The following RYR2 variants were observed in gnomAD, a reference collection of about 807,000 sequenced individuals.
The protein encoded by RYR2 is ryanodine receptor 2, also known as cardiac muscle ryanodine receptor-calcium release channel.
A neutral mutation model predicts 601.1 loss-of-function variants in RYR2; 227 were observed. The ratio of observed to expected loss-of-function variants is 0.38; its 90% CI spans 0.34 to 0.42. The LOEUF (loss-of-function observed/expected upper bound fraction) is 0.42, where lower values mean the gene tolerates loss of function less well. Ranked by LOEUF, RYR2 falls within the 10% of genes least tolerant of loss-of-function variation. RYR2 has a pLI of 1.00. For missense variants in RYR2, 4,646 were observed against 6,156.5 expected (o/e 0.75, Z 8.21); for synonymous variants, 2,223 against 2,175.1 (o/e 1.02, Z -0.61).
intron 100 of RYR2, among the ~76,000 whole-genome samples, chr1:237,812,552 G>A (rs1342431001): frequency 1.3e-5 from 2 of 152,102 alleles, no homozygotes; most frequent in African/African-American, 2.4e-5. Context: ...GTTGCTTTAG[G>A]TGGCTGGCTA....
At chr1:237,685,049 T>C (rs1191001866) in intron 62 of RYR2, among the ~76,000 whole-genome samples, 4 of 152,146 alleles carry the variant, frequency 2.6e-5, no homozygotes, top group Non-Finnish European at 2.9e-5. Flanking sequence ...TTATTATCTT[T>C]GCTCATTAGG....
intron 1 of RYR2, among the ~76,000 whole-genome samples, chr1:237,210,840 G>A (rs970129246): frequency 6.6e-6 from 1 of 152,200 alleles, no homozygotes; most frequent in Non-Finnish European, 1.5e-5. Flanking sequence ...AGTTCAGGGT[G>A]ATTCCTCAGG....
At chr1:237,649,836 G>A (rs1682547682) in intron 49 of RYR2, 41 bp from the exon 50 acceptor site, 1 of 1,577,584 alleles carries the variant, frequency 6.3e-7, no homozygotes, top group Non-Finnish European at 8.7e-7. Flanking sequence ...ATTATCTACT[G>A]CCAAACACAA....
At chr1:237,381,399 C>T (rs546878384) in intron 8 of RYR2, among the ~76,000 whole-genome samples, 10 of 152,020 alleles carry the variant, frequency 6.6e-5, no homozygotes, top group African/African-American at 2.2e-4. Context: ...GGTTCATCTT[C>T]TGAAGAGATG....
intron 1 of RYR2, among the ~76,000 whole-genome samples, chr1:237,054,907 C>T (rs1301665364): frequency 6.6e-6 from 1 of 152,108 alleles, no homozygotes; most frequent in Non-Finnish European, 1.5e-5. Flanking sequence ...ATCCCCAGGG[C>T]CACTTTCCAG....
At chr1:237,559,746 T>G (rs1671268949) in intron 27 of RYR2, among the ~76,000 whole-genome samples, 6 of 152,232 alleles carry the variant, frequency 3.9e-5, no homozygotes, top group Admixed American at 3.9e-4. Flanking sequence ...TGTGAAAAAT[T>G]GAACATTTAA....
chr1:237,245,220 A>G lies in RYR2; in HGVS notation c.49-25277A>G, dbSNP rs529106312. ...TGACAGAGGGAAGCTCTGTCTTTGG[A>G]AAAAAAAAAAAAGAGATAGCTAAGA... is the stretch of plus-strand genomic sequence containing the variant. On this transcript the variant is annotated intron_variant, in intron 1 of 104. Transcript: ENST00000366574. Among the ~76,000 whole-genome samples the G allele has an allele frequency of 1.5e-4, 22 of 143,410 alleles. No individual in the cohort carries two copies. In the South Asian group the frequency reaches 2.7e-3, roughly 17 times the overall value. The allele number at this position is 143,410 out of a possible 152,430, so 94.1% of individuals were successfully genotyped here.
chr1:237,298,351 T>C (rs1693014482), intron 2 of RYR2, among the ~76,000 whole-genome samples: 2 of 152,158 alleles, frequency 1.3e-5, no homozygotes, highest in Admixed American at 1.3e-4. Context: ...CTCCATTCTT[T>C]GATGTTATAT....
At chr1:237,482,534 A>G (rs895269488) in intron 17 of RYR2, among the ~76,000 whole-genome samples, 8 of 152,150 alleles carry the variant, frequency 5.3e-5, no homozygotes, top group African/African-American at 1.9e-4. Flanking sequence ...TGACTGGATC[A>G]CATTCTTTTT....
chr1:237,611,321 C>A (rs1677843875), intron 36 of RYR2, among the ~76,000 whole-genome samples: 1 of 152,012 alleles, frequency 6.6e-6, no homozygotes. Flanking sequence ...TAGCAGAGTA[C>A]TGTAATAGAG....
intron 29 of RYR2, among the ~76,000 whole-genome samples, chr1:237,573,642 C>G (rs1672934156): frequency 6.6e-6 from 1 of 150,578 alleles, no homozygotes; most frequent in African/African-American, 2.4e-5. Context: ...GAAACCCTGT[C>G]TCTACTAAAA....
intron 1 of RYR2, among the ~76,000 whole-genome samples, chr1:237,127,530 C>T (rs1461364826): frequency 2.6e-5 from 4 of 151,164 alleles, no homozygotes; most frequent in African/African-American, 7.3e-5. Flanking sequence ...CCCCACCTCC[C>T]TCCCGGACGG....
chr1:237,403,853 G>GA (rs1353753712), intron 10 of RYR2, among the ~76,000 whole-genome samples: 1 of 151,984 alleles, frequency 6.6e-6, no homozygotes, highest in African/African-American at 2.4e-5. Flanking sequence ...TATAGAAACG[G>GA]AAAAAAAGCC....
At chr1:237,611,888 T>A (rs1442383345) in intron 36 of RYR2, among the ~76,000 whole-genome samples, 1 of 152,150 alleles carries the variant, frequency 6.6e-6, no homozygotes, top group African/African-American at 2.4e-5. Context: ...AATAAAATTA[T>A]AGCGTTAACA....
chr1:237,561,962 G>A (rs931498906), intron 27 of RYR2, among the ~76,000 whole-genome samples: 5 of 152,112 alleles, frequency 3.3e-5, no homozygotes, highest in Non-Finnish European at 7.3e-5. Flanking sequence ...ATCACTAAGA[G>A]GAGATTCAAA....
In RYR2 at chr1:237,283,723, T is replaced by C. The variant is rs74998430; in HGVS notation, c.168+13107T>C. Among the ~76,000 whole-genome samples the C allele has an allele frequency of 4.0e-3, 611 of 152,370 alleles. 3 individuals are homozygous for C. The highest frequency in any genetic ancestry group is 0.018 in the South Asian group (87 of 4,834). On this transcript the variant is annotated intron_variant, in intron 2 of 104. Transcript: ENST00000366574. ...GAGTAAATATTCATATTTGTTACTA[T>C]AATAATGCTTAATCCTATATAGATT...
intron 1 of RYR2, among the ~76,000 whole-genome samples, chr1:237,244,220 G>A (rs973522815): frequency 2.6e-5 from 4 of 152,128 alleles, no homozygotes; most frequent in African/African-American, 7.2e-5. Flanking sequence ...AAGGATGTTC[G>A]TGCACAAGGT....
At chr1:237,211,029 C>T (rs1216144836) in intron 1 of RYR2, among the ~76,000 whole-genome samples, 1 of 152,124 alleles carries the variant, frequency 6.6e-6, no homozygotes, top group East Asian at 1.9e-4. Context: ...GTTTGGGCTG[C>T]TGGGATAGTG....
At chr1:237,483,503 A>G (rs1032532314) in intron 17 of RYR2, among the ~76,000 whole-genome samples, 1 of 152,216 alleles carries the variant, frequency 6.6e-6, no homozygotes, top group Non-Finnish European at 1.5e-5. Context: ...AACTAGGCAC[A>G]TCGGCTTACA....
Sources: gnomAD v4.1 joint callset for allele counts (sites outside exome capture counted in the v4.1 genomes callset) on GRCh38, gnomAD v4.1.1 for gene constraint, MANE v1.5 for transcripts, NCBI Gene and HGNC (gene_info 2026-07-23, HGNC 2026-07-21) for gene names.